PCDHA1: variants seen among roughly 807,000 people sequenced by gnomAD.
PCDHA1 encodes protocadherin alpha 1.
In PCDHA1, 42 loss-of-function variants were observed where a neutral mutation model predicts 61.3. The ratio of observed to expected loss-of-function variants is 0.69; its 90% CI spans 0.54 to 0.89. The LOEUF (loss-of-function observed/expected upper bound fraction) is 0.89. Among genes scored for constraint, PCDHA1 ranks in the 40% least tolerant of loss-of-function variants. The probability of loss-of-function intolerance (pLI) is 0.00; values close to 1 mark genes in which losing one functional copy is unlikely to be tolerated. For missense variants in PCDHA1, 1,256 were observed against 1,235.3 expected, an observed-to-expected ratio of 1.02 and a Z score of -0.25; for synonymous variants, 610 against 553.8, an observed-to-expected ratio of 1.10 and a Z score of -1.43.
intron 1 of PCDHA1, chr5:140,856,567 A>C: frequency 6.3e-7 from 1 of 1,597,710 alleles, no homozygotes; most frequent in Non-Finnish European, 8.6e-7. Flanking sequence ...AACTCAGTCC[A>C]AATGAGTATT....
intron 1 of PCDHA1, chr5:140,966,319 G>T: frequency 2.6e-6 from 1 of 388,824 alleles, no homozygotes; most frequent in Admixed American, 4.5e-5. Context: ...CCTGCGGTCC[G>T]CTGGGATCCG....
At chr5:140,971,640 A>G (rs2096489850) in intron 1 of PCDHA1, among the ~76,000 whole-genome samples, 1 of 152,184 alleles carries the variant, frequency 6.6e-6, no homozygotes, top group Non-Finnish European at 1.5e-5. Context: ...CCATGTGCCT[A>G]CATTAAAAGT....
At chr5:140,888,593 A>C (rs1165427237) in intron 1 of PCDHA1, among the ~76,000 whole-genome samples, 1 of 152,256 alleles carries the variant, frequency 6.6e-6, no homozygotes, top group Admixed American at 6.5e-5. Context: ...GTACACATTC[A>C]GAGCAGCTTT....
chr5:140,873,191 C>T (rs1554166611), intron 1 of PCDHA1, among the ~76,000 whole-genome samples: 1 of 151,960 alleles, frequency 6.6e-6, no homozygotes, highest in African/African-American at 2.4e-5. Context: ...TATTCATTGG[C>T]TAAAAACATT....
chr5:140,969,148 G>T, intron 1 of PCDHA1: 1 of 1,614,102 alleles, frequency 6.2e-7, no homozygotes. Flanking sequence ...ACTGCTACAA[G>T]GCCTGTCTGA....
chr5:140,884,804 T>A (rs1223470171), intron 1 of PCDHA1: 1 of 1,210,196 alleles, frequency 8.3e-7, no homozygotes, highest in Non-Finnish European at 1.1e-6. Flanking sequence ...ATTTAACAAC[T>A]CTGCTGTGGA....
chr5:141,003,057 TCCA>T (rs2098109750), intron 3 of PCDHA1, among the ~76,000 whole-genome samples: 1 of 152,194 alleles, frequency 6.6e-6, no homozygotes, highest in African/African-American at 2.4e-5. Context: ...ACAGAACAGT[TCCA>T]AATGCAGATG....
chr5:140,928,540 G>T lies in PCDHA1; in HGVS notation c.2395-50409G>T, dbSNP rs1554205973. 4 of 1,614,094 alleles carry T rather than the reference G, an allele frequency of 2.5e-6. No homozygotes were observed. In the Admixed American group the frequency reaches 5.0e-5, roughly 20 times the overall value. On this transcript the variant is annotated intron_variant, in intron 1 of 3. Coordinates refer to ENST00000504120, the MANE Select transcript of PCDHA1 (RefSeq NM_018900.4). The stretch of plus-strand genomic sequence containing the variant: ...AAACTTGTTTGTGGTAGATAGGAAT[G>T]ACAATTATCCGGTTATCTTGTTTCC...
chr5:140,884,547 C>G, intron 1 of PCDHA1: 1 of 1,614,214 alleles, frequency 6.2e-7, no homozygotes, highest in East Asian at 2.2e-5. Context: ...AGGGTGTGCT[C>G]TGGGGAGGGC....
chr5:140,929,307 C>T (rs149565434), intron 1 of PCDHA1: 10 of 1,570,046 alleles, frequency 6.4e-6, no homozygotes, highest in Admixed American at 1.8e-5. Context: ...AAGGGGATCA[C>T]GCTAATGTCA....
rs782763566 is a variant in PCDHA1 at position 140,796,338 on chromosome 5, T to C, written c.2394+7654T>C. 5.0e-6 allele frequency: 8 copies of C among 1,613,870 alleles called. No individual in the cohort carries two copies. The Admixed American group carries it at 6.7e-5, about 13-fold the overall frequency. On this transcript the variant is annotated intron_variant, in intron 1 of 3. Coordinates refer to ENST00000504120, the MANE Select transcript of PCDHA1 (RefSeq NM_018900.4). ...ACAACGCGCCGGCGTTCGCACAGCC[T>C]GAGTACACAGTATTCGTGAAGGAGA... is the stretch of plus-strand genomic sequence containing the variant.
chr5:140,827,764 A>G (rs1376837793), intron 1 of PCDHA1, among the ~76,000 whole-genome samples: 1 of 152,256 alleles, frequency 6.6e-6, no homozygotes, highest in Non-Finnish European at 1.5e-5. Context: ...TTAAATTAAT[A>G]AAAGAAGTCG....
chr5:140,853,169 G>C lies in PCDHA1; in HGVS notation c.2394+64485G>C, dbSNP rs1002466846. 32 of 959,704 alleles carry C rather than the reference G, an allele frequency of 3.3e-5. 1 individual carries two copies. The South Asian group carries it at 1.3e-3, about 40-fold the overall frequency. 59.4% of individuals were successfully genotyped at this position (959,704 alleles called of 1,614,324 possible). ...GCTGGGATTACAGGCGTGAGCCACC[G>C]CGCCTGGCCTAAAATGTGTTCTTTA... On this transcript the variant is annotated intron_variant, in intron 1 of 3. Transcript: ENST00000504120.
rs372609574 is a variant in PCDHA1, at chr5:140,801,557, G to A, written c.2394+12873G>A. The A allele has an allele frequency of 1.7e-5, 28 of 1,614,122 alleles. No individual in the cohort carries two copies. The African/African-American group carries it at 2.9e-4, about 17-fold the overall frequency. On this transcript the variant is annotated intron_variant, in intron 1 of 3. Transcript: ENST00000504120. Reference sequence around the variant, plus strand: ...GGCCGCTGCAGGTTTTCCATGTGGAGGTGGAAGTGAAGGACATTAATGACA... The same window carrying A: ...GGCCGCTGCAGGTTTTCCATGTGGAAGTGGAAGTGAAGGACATTAATGACA...
intron 1 of PCDHA1, among the ~76,000 whole-genome samples, chr5:140,898,053 A>C (rs1444652933): frequency 1.3e-5 from 2 of 151,746 alleles, no homozygotes; most frequent in Admixed American, 1.3e-4. Context: ...TTTTTCTTGT[A>C]AATTTGTTTG....
chr5:140,814,452 T>G (rs2126655558), intron 1 of PCDHA1: 22 of 151,548 alleles, frequency 1.5e-4, no homozygotes, highest in Non-Finnish European at 2.9e-4. Flanking sequence ...CTTTTTTCTT[T>G]TTTTTTTTTG....
intron 1 of PCDHA1, chr5:140,809,578 T>C (rs1295072007): frequency 6.4e-7 from 1 of 1,570,600 alleles, no homozygotes. Flanking sequence ...CAAAGGTTAG[T>C]GTATAACATC....
At chr5:140,877,048 G>T (rs376952553) in intron 1 of PCDHA1, 1 of 1,612,676 alleles carries the variant, frequency 6.2e-7, no homozygotes, top group Non-Finnish European at 8.5e-7. Flanking sequence ...GCTAGACCAC[G>T]AGGAGCTGGA....
At chr5:141,000,899 C>T (rs1013993633) in intron 3 of PCDHA1, among the ~76,000 whole-genome samples, 18 of 151,966 alleles carry the variant, frequency 1.2e-4, no homozygotes, top group African/African-American at 2.7e-4. Flanking sequence ...CAGATATAGA[C>T]GCTGTCTCTA....
Sources: gnomAD v4.1 joint callset for allele counts (sites outside exome capture counted in the v4.1 genomes callset) on GRCh38, gnomAD v4.1.1 for gene constraint, MANE v1.5 for transcripts, NCBI Gene and HGNC (gene_info 2026-07-23, HGNC 2026-07-21) for gene names.